USH1C: variants seen among roughly 807,000 people sequenced by gnomAD.
USH1C encodes harmonin.
A neutral mutation model predicts 119.3 loss-of-function variants in USH1C; 90 were observed. The ratio of observed to expected loss-of-function variants is 0.75; its 90% CI spans 0.64 to 0.90. USH1C has a LOEUF of 0.90. Among genes scored for constraint, USH1C ranks in the 40% least tolerant of loss-of-function variants. The pLI is 0.00. For missense variants in USH1C, 1,165 were observed against 1,167.7 expected, an observed-to-expected ratio of 1.00 and a Z score of 0.03; for synonymous variants, 465 against 443.3, an observed-to-expected ratio of 1.05 and a Z score of -0.62.
At chr11:17,505,983 G>A in intron 18 of USH1C, 34 bp from the exon 19 acceptor site, 1 of 1,614,006 alleles carries the variant, frequency 6.2e-7, no homozygotes, top group Non-Finnish European at 8.5e-7. Context: ...CCCAGGTGAG[G>A]TCATGGTGGG....
At chr11:17,501,624 G>C (rs1028830705) in intron 21 of USH1C, 89 bp from the exon 22 acceptor site, 5 of 1,427,628 alleles carry the variant, frequency 3.5e-6, no homozygotes, top group Non-Finnish European at 4.8e-6. Flanking sequence ...GGCACCTATG[G>C]GACACTGGGC....
At chr11:17,507,905 T>A (rs73435135) in intron 18 of USH1C, among the ~76,000 whole-genome samples, 1,749 of 152,280 alleles carry the variant, frequency 0.011, 34 homozygotes, top group African/African-American at 0.04. Context: ...TTAGAATGAA[T>A]CCCTCCCATA....
chr11:17,529,935 G>A (rs1290330731), intron 4 of USH1C, among the ~76,000 whole-genome samples: 1 of 152,252 alleles, frequency 6.6e-6, no homozygotes, highest in African/African-American at 2.4e-5. Flanking sequence ...GGCGGCCTCA[G>A]CTGACGCCAA....
At chr11:17,519,887 G>A (rs1850336999) in intron 14 of USH1C, among the ~76,000 whole-genome samples, 1 of 152,182 alleles carries the variant, frequency 6.6e-6, no homozygotes, top group African/African-American at 2.4e-5. Flanking sequence ...GGTCTCATAT[G>A]TGACCCAAAG....
In USH1C at chr11:17,509,749, G is replaced by A; in HGVS notation, c.1620C>T (p.Thr540=). 1 of 1,602,366 alleles carries A rather than the reference G, an allele frequency of 6.2e-7. No individual in the cohort carries two copies. The highest frequency in any genetic ancestry group is 1.3e-5 in the African/African-American group (1 of 74,860). The change falls in exon 18 of 27, where the codon ACC becomes ACT. Residue 540 remains threonine (T), a synonymous_variant. Coordinates refer to ENST00000005226, the MANE Select transcript of USH1C (RefSeq NM_153676.4). ...RRFAGGLHLH[T]TDLDDIPLDM... is the part of the protein sequence containing the mutation. Reference sequence around the variant, plus strand: ...CCAAAGGGATGTCGTCCAGGTCAGTGGTGTGCAGGTGCAGTCCGCCTGCGA... The same window carrying A: ...CCAAAGGGATGTCGTCCAGGTCAGTAGTGTGCAGGTGCAGTCCGCCTGCGA...
intron 25 of USH1C, 122 bp from the exon 26 acceptor site, chr11:17,495,799 G>T: frequency 1.9e-6 from 2 of 1,060,792 alleles, no homozygotes; most frequent in African/African-American, 1.6e-5. Flanking sequence ...CTGGGTTCCA[G>T]AATTAGGAGC....
intron 19 of USH1C, 82 bp downstream of exon 19, chr11:17,505,748 C>A: frequency 1.3e-6 from 2 of 1,598,814 alleles, no homozygotes; most frequent in Non-Finnish European, 8.5e-7. Context: ...CCTCACTTGC[C>A]CTCCAGAGAC....
chr11:17,523,204 G>T lies in USH1C; in HGVS notation c.876+7C>A. On this transcript the variant is annotated splice_region_variant and intron_variant, in intron 11 of 26. Transcript: ENST00000005226. Reference sequence around the variant, plus strand: ...AAGGGGCTCCCACCAGCTCATTCTGGACTTACAGCTGCAGCTACAATGGAG... The same window carrying T: ...AAGGGGCTCCCACCAGCTCATTCTGTACTTACAGCTGCAGCTACAATGGAG... 1 of 1,614,108 alleles carries T rather than the reference G, an allele frequency of 6.2e-7. No homozygotes were observed. Among genetic ancestry groups the T allele is most frequent in the Non-Finnish European group, 8.5e-7 (1 of 1,179,976 alleles).
Position 17,501,170 on chromosome 11 carries a change from C to A in USH1C, c.2281-20G>T. 6.3e-7 allele frequency: 1 copy of A among 1,593,706 alleles called. No individual in the cohort carries two copies. On this transcript the variant is annotated intron_variant, in intron 22 of 26. Transcript: ENST00000005226. ...TCCCTCCTGGTTAGAGGAAAACAGG[C>A]CTTAGGGAGCCAAGCAGACAGCAGC...
In USH1C at chr11:17,509,593, G is replaced by A; in HGVS notation, c.1776C>T (p.Ser592=). The stretch of plus-strand genomic sequence containing the variant: ...GTGGAGTGCGCTGCACCCATGGAGA[G>A]GATGAGGCGCTCACATGGCCAGATA... ...LPLSGHVSAS[S]SPWVQRTPPP... Residue 592 remains serine (S), a synonymous_variant, in exon 18 of 27, where the codon TCC becomes TCT. Coordinates refer to ENST00000005226, the MANE Select transcript of USH1C (RefSeq NM_153676.4). 4 of 1,602,372 alleles carry A rather than the reference G, an allele frequency of 2.5e-6. No homozygotes were observed. Among genetic ancestry groups the A allele is most frequent in the Non-Finnish European group, 1.7e-6 (2 of 1,175,846 alleles).
intron 21 of USH1C, 118 bp from the exon 22 acceptor site, chr11:17,501,653 A>G: frequency 8.0e-7 from 1 of 1,247,286 alleles, no homozygotes; most frequent in East Asian, 2.5e-5. Context: ...GCACATGGGC[A>G]AGGGGACCGT....
Position 17,527,043 on chromosome 11 carries a change from G to C in USH1C, c.497-3C>G. The C allele has an allele frequency of 6.4e-7, 1 of 1,554,722 alleles. No individual in the cohort carries two copies. The highest frequency in any genetic ancestry group is 8.7e-7 in the Non-Finnish European group (1 of 1,148,548). On this transcript the variant is annotated splice_polypyrimidine_tract_variant and splice_region_variant and intron_variant, in intron 5 of 26. Transcript: ENST00000005226. Reference sequence around the variant, plus strand: ...TTTCACGGGGATCAGGCCGATGTCTGCGGGAGAAAGGCACAGGGGTTAGGA... The same window carrying C: ...TTTCACGGGGATCAGGCCGATGTCTCCGGGAGAAAGGCACAGGGGTTAGGA...
In USH1C at chr11:17,511,454, G is replaced by A. The variant is rs541781847; in HGVS notation, c.1413+448C>T. Among the ~76,000 whole-genome samples, 25 of 152,228 alleles carry A rather than the reference G, an allele frequency of 1.6e-4. No individual in the cohort carries two copies. The South Asian group carries it at 4.6e-3, about 28-fold the overall frequency. On this transcript the variant is annotated intron_variant, in intron 16 of 26. Coordinates refer to ENST00000005226, the MANE Select transcript of USH1C (RefSeq NM_153676.4). ...TACAAGCAAGGCAGAAGGGTTAGCC[G>A]CAGACCATACTCTAAGTAGCCTCAG...
intron 1 of USH1C, among the ~76,000 whole-genome samples, chr11:17,535,258 T>C (rs1207689457): frequency 1.3e-5 from 2 of 152,210 alleles, no homozygotes; most frequent in Non-Finnish European, 2.9e-5. Flanking sequence ...CCAGTCTTCC[T>C]GGCTACAAAG....
At chr11:17,501,787 G>T in intron 21 of USH1C, 152 bp downstream of exon 21, 1 of 962,414 alleles carries the variant, frequency 1.0e-6, no homozygotes, top group Non-Finnish European at 1.6e-6. Flanking sequence ...GAATCTTCGT[G>T]GGAAGAGCAG....
intron 1 of USH1C, chr11:17,533,560 C>T: frequency 6.4e-6 from 4 of 629,598 alleles, no homozygotes; most frequent in Middle Eastern, 8.2e-4. Context: ...TGGCCAGGCA[C>T]CCTTTGTCCC....
At chr11:17,500,926 C>G in intron 23 of USH1C, 125 bp downstream of exon 23, 1 of 802,328 alleles carries the variant, frequency 1.2e-6, no homozygotes, top group Non-Finnish European at 2.1e-6. Flanking sequence ...TGGATGGACC[C>G]GAGTGGGAGG....
At position 17,504,644 on chromosome 11, in the gene USH1C, T is replaced by C; in HGVS notation, c.2184+3A>G. 6.2e-7 allele frequency: 1 copy of C among 1,614,070 alleles called. No individual in the cohort carries two copies. ...TCCAGACACACAATGGGTATCAGTT[T>C]ACTTGTCTGAATGCTGTCTGATAAA... On this transcript the variant is annotated splice_donor_region_variant and intron_variant, in intron 20 of 26. Coordinates refer to ENST00000005226, the MANE Select transcript of USH1C (RefSeq NM_153676.4).
intron 1 of USH1C, chr11:17,533,615 T>A: frequency 1.8e-6 from 1 of 556,696 alleles, no homozygotes; most frequent in Non-Finnish European, 3.4e-6. Flanking sequence ...CACACATAGG[T>A]ACATATGTGA....
Sources: allele counts gnomAD v4.1 joint callset (sites outside exome capture counted in the v4.1 genomes callset), GRCh38; gene constraint gnomAD v4.1.1; transcripts MANE v1.5; gene names NCBI Gene and HGNC (gene_info 2026-07-23, HGNC 2026-07-21).